CALN1: variants seen among roughly 807,000 people sequenced by gnomAD.
CALN1 encodes calneuron 1.
CALN1 carries 17 observed loss-of-function variants against 30.6 expected under a neutral mutation model. The observed-to-expected ratio is 0.56, with a 90% confidence interval of 0.38 to 0.83. The LOEUF (loss-of-function observed/expected upper bound fraction) is 0.83. CALN1 is among the 40% of genes least tolerant of loss of function. The pLI is 0.00. For missense variants in CALN1, 291 were observed against 354.9 expected (o/e 0.82, Z 1.45); for synonymous variants, 156 against 131.4 (o/e 1.19, Z -1.28).
chr7:71,948,621 C>T (rs910875807), intron 5 of CALN1, among the ~76,000 whole-genome samples: 3 of 151,276 alleles, frequency 2.0e-5, no homozygotes, highest in African/African-American at 7.3e-5. Flanking sequence ...ATCCTAGCTA[C>T]TTGGGAGGCT....
intron 3 of CALN1, among the ~76,000 whole-genome samples, chr7:72,246,607 A>C (rs530276770): frequency 6.8e-4 from 103 of 152,302 alleles, no homozygotes; most frequent in African/African-American, 1.8e-3. Context: ...AAAAAGGAGA[A>C]TACTACTAAA....
At chr7:72,108,574 A>C (rs939619335) in intron 3 of CALN1, among the ~76,000 whole-genome samples, 2 of 152,148 alleles carry the variant, frequency 1.3e-5, no homozygotes, top group Non-Finnish European at 2.9e-5. Context: ...ATGCCTCCCA[A>C]ATTTCTATGT....
the CALN1 span, among the ~76,000 whole-genome samples, chr7:72,459,625 C>CAAA: frequency 1.8e-4 from 8 of 44,468 alleles, no homozygotes; most frequent in African/African-American, 3.7e-4. Context: ...AACCCTGTCT[C>CAAA]AAAAAAAAAA....
intron 1 of CALN1, among the ~76,000 whole-genome samples, chr7:72,409,994 T>G (rs1807002222): frequency 6.6e-6 from 1 of 152,236 alleles, no homozygotes; most frequent in Admixed American, 6.5e-5. Context: ...GCACCACATT[T>G]AACCCACAAA....
chr7:72,455,121 G>A, the CALN1 span, among the ~76,000 whole-genome samples: 1 of 151,768 alleles, frequency 6.6e-6, no homozygotes, highest in Non-Finnish European at 1.5e-5. Flanking sequence ...GTGAGCCACC[G>A]CGCCCGGCCT....
intron 5 of CALN1, among the ~76,000 whole-genome samples, chr7:71,987,420 A>T (rs539830513): frequency 3.3e-5 from 5 of 152,356 alleles, no homozygotes; most frequent in African/African-American, 1.2e-4. Flanking sequence ...CTTCCCCAGC[A>T]AGCCCTGACT....
intron 3 of CALN1, among the ~76,000 whole-genome samples, chr7:72,117,312 T>C (rs773445831): frequency 5.3e-5 from 8 of 152,138 alleles, no homozygotes; most frequent in Non-Finnish European, 1.2e-4. Context: ...ATGCTTGAGT[T>C]AAAATAAGGG....
At chr7:72,395,329 CACAT>C (rs1805850428) in intron 2 of CALN1, among the ~76,000 whole-genome samples, 1 of 143,936 alleles carries the variant, frequency 6.9e-6, no homozygotes. Flanking sequence ...CTTTAGCAAA[CACAT>C]ACACACACAC....
intron 5 of CALN1, among the ~76,000 whole-genome samples, chr7:71,835,857 C>A (rs1310848862): frequency 6.6e-6 from 1 of 152,118 alleles, no homozygotes; most frequent in Non-Finnish European, 1.5e-5. Flanking sequence ...CTTTTGTCCT[C>A]GTGAATCATT....
At chr7:72,391,618 A>AG (rs143760889) in intron 2 of CALN1, among the ~76,000 whole-genome samples, 6,259 of 152,252 alleles carry the variant, frequency 0.041, 303 homozygotes, top group African/African-American at 0.12. Context: ...TGAATCATGG[A>AG]GGGGGTTTCC....
intron 3 of CALN1, among the ~76,000 whole-genome samples, chr7:72,237,906 T>C (rs1794576263): frequency 6.6e-6 from 1 of 152,242 alleles, no homozygotes; most frequent in Admixed American, 6.5e-5. Flanking sequence ...ACATCATGGC[T>C]CTTTCTGCCT....
At chr7:71,824,149 C>A (rs2116346670) in intron 5 of CALN1, among the ~76,000 whole-genome samples, 1 of 152,216 alleles carries the variant, frequency 6.6e-6, no homozygotes, top group South Asian at 2.1e-4. Flanking sequence ...TCCTCCTGCC[C>A]AGGTGCCAGG....
intron 5 of CALN1, among the ~76,000 whole-genome samples, chr7:71,887,629 C>T (rs1792992260): frequency 6.6e-6 from 1 of 152,038 alleles, no homozygotes. Flanking sequence ...TGGAAAAGAG[C>T]TCTGGTAGCA....
intron 3 of CALN1, among the ~76,000 whole-genome samples, chr7:72,248,841 A>C (rs529863253): frequency 6.6e-6 from 1 of 152,096 alleles, no homozygotes; most frequent in Non-Finnish European, 1.5e-5. Context: ...TCAAAAATAT[A>C]ATCTCAATCC....
chr7:72,190,018 T>C (rs1448964643), intron 3 of CALN1, among the ~76,000 whole-genome samples: 2 of 152,266 alleles, frequency 1.3e-5, no homozygotes, highest in East Asian at 3.9e-4. Context: ...AAAGGGTTTA[T>C]TCTCCAACTT....
intron 3 of CALN1, among the ~76,000 whole-genome samples, chr7:72,136,237 C>G (rs949700644): frequency 6.6e-6 from 1 of 152,112 alleles, no homozygotes; most frequent in South Asian, 2.1e-4. Context: ...ATTTTCTTAA[C>G]TGGAACTTCT....
At chr7:71,958,681 C>T (rs1207134922) in intron 5 of CALN1, among the ~76,000 whole-genome samples, 1 of 152,206 alleles carries the variant, frequency 6.6e-6, no homozygotes, top group Non-Finnish European at 1.5e-5. Context: ...AAGAACAGGA[C>T]ACACTTCCGG....
intron 2 of CALN1, among the ~76,000 whole-genome samples, chr7:72,296,020 T>C (rs1798829792): frequency 1.3e-5 from 2 of 152,116 alleles, no homozygotes; most frequent in African/African-American, 2.4e-5. Context: ...TAGCTGTTAT[T>C]ATTTTGAAAT....
rs142309338 is a variant in CALN1 at position 71,902,070 on chromosome 7, A to G, written c.502-91578T>C. On this transcript the variant is annotated intron_variant, in intron 5 of 6. Coordinates refer to ENST00000395275, the MANE Select transcript of CALN1 (RefSeq NM_031468.4). ...ATCTACAGGGAACTCAAACAATTCA[A>G]CAAGAAGATAACAAGTAACCCCATT... is the stretch of plus-strand genomic sequence containing the variant. Among the ~76,000 whole-genome samples the G allele has an allele frequency of 8.5e-5, 13 of 152,314 alleles. No homozygotes were observed. In the East Asian group the frequency reaches 2.3e-3, roughly 27 times the overall value.
Sources: gnomAD v4.1 joint callset for allele counts (sites outside exome capture counted in the v4.1 genomes callset) on GRCh38, gnomAD v4.1.1 for gene constraint, MANE v1.5 for transcripts, NCBI Gene and HGNC (gene_info 2026-07-23, HGNC 2026-07-21) for gene names.